Variants in DNM1 observed in about 807,000 individuals in gnomAD.
The protein encoded by DNM1 is dynamin-1.
Under a neutral mutation model 104.6 loss-of-function variants are expected in DNM1, and 29 were observed. The ratio of observed to expected loss-of-function variants is 0.28; its 90% CI spans 0.21 to 0.38. The LOEUF (loss-of-function observed/expected upper bound fraction) is 0.38. Among genes scored for constraint, DNM1 ranks in the 10% least tolerant of loss-of-function variants. The pLI is 1.00. For missense variants in DNM1, 640 were observed against 1,189.4 expected, an observed-to-expected ratio of 0.54 and a Z score of 6.79; for synonymous variants, 445 against 475.8, an observed-to-expected ratio of 0.94 and a Z score of 0.84.
Position 128,248,321 on chromosome 9 carries a change from CAAA to C in DNM1, c.1906-260_1906-258del. On this transcript the variant is annotated intron_variant, in intron 18 of 21. Coordinates refer to ENST00000372923, the MANE Select transcript of DNM1 (RefSeq NM_004408.4). This position sits in a 1 kb window ranked among gnomAD's most constrained non-coding sequence, Gnocchi z 5.6. ...CCTGGGTGACAAAGCAAGACTTTCT[CAAA>C]ATAATAATAATAATAATTTCTGGAT... 1 of 498,404 alleles carries C rather than the reference CAAA, an allele frequency of 2.0e-6. No homozygotes were observed. The highest frequency in any genetic ancestry group is 3.6e-6 in the Non-Finnish European group (1 of 279,922). The allele number at this position is 498,404 out of a possible 1,614,324, so 30.9% of individuals were successfully genotyped here.
chr9:128,236,970 C>G (rs563852278), intron 11 of DNM1, among the ~76,000 whole-genome samples: 2 of 152,350 alleles, frequency 1.3e-5, no homozygotes, highest in East Asian at 3.9e-4. Context: ...AAACCACAAG[C>G]CTGCTGTGTG....
chr9:128,225,701 G>A (rs1027632747), intron 10 of DNM1, among the ~76,000 whole-genome samples: 7 of 152,110 alleles, frequency 4.6e-5, no homozygotes, highest in Non-Finnish European at 8.8e-5. Flanking sequence ...AGGAGCAGGG[G>A]AGCATCCCTG....
intron 1 of DNM1, among the ~76,000 whole-genome samples, chr9:128,209,549 C>T (rs1304612784): frequency 6.6e-6 from 1 of 152,208 alleles, no homozygotes; most frequent in East Asian, 1.9e-4. Context: ...TCTGCCCTCC[C>T]ACCATAACAA....
chr9:128,217,723 T>G (rs546640339), intron 1 of DNM1, among the ~76,000 whole-genome samples: 11 of 152,164 alleles, frequency 7.2e-5, no homozygotes, highest in Non-Finnish European at 1.5e-4. Context: ...GGCCCATGAG[T>G]CCTTTTCCTT....
At chr9:128,227,804 G>A (rs1835435975) in intron 10 of DNM1, among the ~76,000 whole-genome samples, 1 of 151,922 alleles carries the variant, frequency 6.6e-6, no homozygotes, top group Non-Finnish European at 1.5e-5. Context: ...CACAAACGAT[G>A]TTACAATGAA....
chr9:128,254,175 G>A lies in DNM1; in HGVS notation c.2535-479G>A, dbSNP rs188943811. 2.1e-5 allele frequency: 27 copies of A among 1,308,482 alleles called. 1 individual carries two copies. In the East Asian group the frequency reaches 2.2e-4, roughly 11 times the overall value. The allele number at this position is 1,308,482 out of a possible 1,614,324, so 81.1% of individuals were successfully genotyped here. ...TTTCTGAACACCCAGAGGGGCCTCC[G>A]GCGCTCCCTCCAGCCATCCCTTTTA... On this transcript the variant is annotated intron_variant, in intron 21 of 21. Transcript: ENST00000372923. The surrounding 1 kb of genome is among the most constrained non-coding windows in gnomAD (Gnocchi z 6.1).
In DNM1 at chr9:128,220,893, CTTTCTT is replaced by C. The variant is rs1228803054; in HGVS notation, c.849+554_849+559del. Among the ~76,000 whole-genome samples, 1 of 92,748 alleles carries C rather than the reference CTTTCTT, an allele frequency of 1.1e-5. No individual in the cohort carries two copies. The highest frequency in any genetic ancestry group is 3.4e-5 in the African/African-American group (1 of 29,508). 60.8% of individuals were successfully genotyped at this position (92,748 alleles called of 152,430 possible). A position where few individuals can be genotyped will look rare whatever the true frequency, so the allele number is the denominator to read the frequency against. On this transcript the variant is annotated intron_variant, in intron 6 of 21. Transcript: ENST00000372923. The surrounding 1 kb of genome is among the most constrained non-coding windows in gnomAD (Gnocchi z 5.2). ...TCTTTTTTCTTTATTTGTTTTCTTT[CTTTCTT>C]TCTTTCTTTCTTTCTTTCTTTCTTT...
chr9:128,237,481 G>A (rs1472430885), intron 11 of DNM1, among the ~76,000 whole-genome samples: 2 of 152,024 alleles, frequency 1.3e-5, no homozygotes, highest in Admixed American at 1.3e-4. Flanking sequence ...GGCTGATCTC[G>A]AACTTGTGAA....
At chr9:128,251,112 G>A (rs989288180) in intron 21 of DNM1, 172 bp downstream of exon 21, 26 of 651,770 alleles carry the variant, frequency 4.0e-5, no homozygotes, top group African/African-American at 2.8e-4. Flanking sequence ...GGCTGGCGGA[G>A]CCTGCCCCCG....
Position 128,224,274 on chromosome 9 carries a change from T to A in DNM1, c.1220T>A (p.Met407Lys). The change falls in exon 10 of 22, where the codon ATG becomes AAG. Residue 407 changes from methionine to lysine, a missense_variant. Met to Lys is a moderately conservative substitution (Grantham distance 95). Transcript: ENST00000372923. This position sits in a 1 kb window ranked among gnomAD's most constrained non-coding sequence, Gnocchi z 4.3. ...GIRTGLFTPD[M>K]AFETIVKKQV... ...AGAACGGGGCTGTTTACCCCAGACA[T>A]GGCCTTTGAGACCATTGTGAAAAAG... is the stretch of plus-strand genomic sequence containing the variant. The A allele has an allele frequency of 6.2e-7, 1 of 1,613,908 alleles. No individual in the cohort carries two copies.
At chr9:128,250,054 G>T in intron 19 of DNM1, 61 bp from the exon 20 acceptor site, 1 of 1,612,120 alleles carries the variant, frequency 6.2e-7, no homozygotes, top group Non-Finnish European at 8.5e-7. Context: ...GGGCCCGGTG[G>T]GGCGGCCAGG....
Position 128,247,219 on chromosome 9 carries a change from G to A in DNM1, c.1782-156G>A, listed in dbSNP as rs903214569. 2 of 522,874 alleles carry A rather than the reference G, an allele frequency of 3.8e-6. No individual in the cohort carries two copies. Among genetic ancestry groups the A allele is most frequent in the Non-Finnish European group, 6.7e-6 (2 of 297,174 alleles). 32.4% of individuals were successfully genotyped at this position (522,874 alleles called of 1,614,324 possible). A position where few individuals can be genotyped will look rare whatever the true frequency, so the allele number is the denominator to read the frequency against. The stretch of plus-strand genomic sequence containing the variant: ...ATTATTAACCCATCTTCCCAGTGAG[G>A]AAACTGAGGCTGAGAGGAAGGGACT... On this transcript the variant is annotated intron_variant, in intron 16 of 21. Transcript: ENST00000372923. The surrounding 1 kb of genome is among the most constrained non-coding windows in gnomAD (Gnocchi z 5.1).
In DNM1 at chr9:128,248,468, G is replaced by A. The variant is rs1036929581; in HGVS notation, c.1906-115G>A. On this transcript the variant is annotated intron_variant, in intron 18 of 21. Transcript: ENST00000372923. The surrounding 1 kb of genome is among the most constrained non-coding windows in gnomAD (Gnocchi z 5.6). ...AGCCAGGTATGTATTCAGGCCAGTC[G>A]CTTCTCTCTGTGCCTCAATATTCTG... 14 of 1,256,890 alleles carry A rather than the reference G, an allele frequency of 1.1e-5. No individual in the cohort carries two copies. Among genetic ancestry groups the A allele is most frequent in the East Asian group, 7.3e-5 (3 of 41,360 alleles). The allele number at this position is 1,256,890 out of a possible 1,614,324, so 77.9% of individuals were successfully genotyped here.
At position 128,218,784 on chromosome 9, in the gene DNM1, ACC is replaced by A. The variant is rs944543361; in HGVS notation, c.385+54_385+55del. 1 of 1,533,268 alleles carries A rather than the reference ACC, an allele frequency of 6.5e-7. No individual in the cohort carries two copies. Among genetic ancestry groups the A allele is most frequent in the African/African-American group, 1.4e-5 (1 of 72,798 alleles). The allele number at this position is 1,533,268 out of a possible 1,614,324, so 95.0% of individuals were successfully genotyped here. ...CTAAGAATCATTTTCTTGGCCACGC[ACC>A]TCTGCGTGCCTCGCTCCTCCTGCAG... On this transcript the variant is annotated intron_variant, in intron 3 of 21. Transcript: ENST00000372923. The surrounding 1 kb of genome is among the most constrained non-coding windows in gnomAD (Gnocchi z 4.8).
chr9:128,211,891 G>C (rs117248979), intron 1 of DNM1, among the ~76,000 whole-genome samples: 1 of 152,144 alleles, frequency 6.6e-6, no homozygotes, highest in African/African-American at 2.4e-5. Context: ...GGCAGAGGGC[G>C]GCTCCAACCA....
intron 13 of DNM1, 27 bp downstream of exon 13, chr9:128,239,806 G>C (rs76202430): frequency 3.4e-5 from 55 of 1,606,006 alleles, no homozygotes; most frequent in Non-Finnish European, 4.5e-5. Context: ...ACCCCAGCCC[G>C]AGGGATGGAG....
chr9:128,250,058 G>A lies in DNM1; in HGVS notation c.2077-57G>A. On this transcript the variant is annotated intron_variant, in intron 19 of 21. Coordinates refer to ENST00000372923, the MANE Select transcript of DNM1 (RefSeq NM_004408.4). ...CAGTCCCAGCAGGGCCCGGTGGGGC[G>A]GCCAGGGCGGCACAGGCATCAGGTC... 5.6e-6 allele frequency: 9 copies of A among 1,612,488 alleles called. No homozygotes were observed. In the South Asian group the frequency reaches 8.8e-5, roughly 16 times the overall value.
At position 128,219,937 on chromosome 9, in the gene DNM1, G is replaced by A. The variant is rs1343782775; in HGVS notation, c.590-51G>A. 3 of 1,438,512 alleles carry A rather than the reference G, an allele frequency of 2.1e-6. No individual in the cohort carries two copies. The East Asian group carries it at 7.5e-5, about 36-fold the overall frequency. 89.1% of individuals were successfully genotyped at this position (1,438,512 alleles called of 1,614,324 possible). A position where few individuals can be genotyped will look rare whatever the true frequency, so the allele number is the denominator to read the frequency against. ...GATGGGAGTGGGAGTGCATGGAATTGTGTGTGAGAGCGGGTGCAGCTGTAG... is the reference window on the plus strand; with the variant it reads ...GATGGGAGTGGGAGTGCATGGAATTATGTGTGAGAGCGGGTGCAGCTGTAG... On this transcript the variant is annotated intron_variant, in intron 4 of 21. Transcript: ENST00000372923.
chr9:128,220,717 C>T lies in DNM1; in HGVS notation c.849+376C>T, dbSNP rs896780023. 4.1e-5 allele frequency among the ~76,000 whole-genome samples: 5 copies of T among 123,394 alleles called. No individual in the cohort carries two copies. Among genetic ancestry groups the T allele is most frequent in the African/African-American group, 1.5e-4 (5 of 33,910 alleles). The allele number at this position is 123,394 out of a possible 152,430, so 81.0% of individuals were successfully genotyped here. A position where few individuals can be genotyped will look rare whatever the true frequency, so the allele number is the denominator to read the frequency against. On this transcript the variant is annotated intron_variant, in intron 6 of 21. Coordinates refer to ENST00000372923, the MANE Select transcript of DNM1 (RefSeq NM_004408.4). The surrounding 1 kb of genome is among the most constrained non-coding windows in gnomAD (Gnocchi z 5.2). ...TTTTCTCCATCTGGAATGGGGCATCCAGAACTGAAGTGCGCGCGCGCGCGC... is the reference window on the plus strand; with the variant it reads ...TTTTCTCCATCTGGAATGGGGCATCTAGAACTGAAGTGCGCGCGCGCGCGC...
Sources: allele counts gnomAD v4.1 joint callset (sites outside exome capture counted in the v4.1 genomes callset), GRCh38; gene constraint gnomAD v4.1.1; non-coding constraint Gnocchi (gnomAD v3.1); transcripts MANE v1.5; gene names NCBI Gene and HGNC (gene_info 2026-07-23, HGNC 2026-07-21).